The following GALNT13 variants were observed in gnomAD, a reference collection of about 807,000 sequenced individuals.
GALNT13 encodes the protein polypeptide N-acetylgalactosaminyltransferase 13.
In GALNT13, 28 loss-of-function variants were observed where a neutral mutation model predicts 64.2. That is an observed-to-expected ratio of 0.44 (90% CI 0.32 to 0.60). The LOEUF is 0.60. Among genes scored for constraint, GALNT13 ranks in the 20% least tolerant of loss-of-function variants. The probability of loss-of-function intolerance (pLI) is 0.05; values close to 1 mark genes in which losing one functional copy is unlikely to be tolerated. For missense variants in GALNT13, 577 were observed against 669.8 expected (o/e 0.86, Z 1.53); for synonymous variants, 214 against 224.6 (o/e 0.95, Z 0.42).
chr2:153,659,881 C>T, the GALNT13 span, among the ~76,000 whole-genome samples: 1 of 152,072 alleles, frequency 6.6e-6, no homozygotes, highest in Non-Finnish European at 1.5e-5. Context: ...AGCCAACAAC[C>T]AGCCCAGGAG....
intron 3 of GALNT13, among the ~76,000 whole-genome samples, chr2:154,055,809 A>G (rs1416956314): frequency 6.6e-6 from 1 of 152,140 alleles, no homozygotes; most frequent in Non-Finnish European, 1.5e-5. Flanking sequence ...TGCATTTTTA[A>G]GTATGGCTTT....
In GALNT13 at chr2:153,897,504, A is replaced by G. The variant is rs118122093; in HGVS notation, c.-176-3432A>G. On this transcript the variant is annotated intron_variant, in intron 1 of 12. Transcript: ENST00000392825. Reference sequence around the variant, plus strand: ...TTATTGATGATGTTGTCTTTGATCAATTTGTTAAGGTGGTCTCTGCCAAGT... The same window carrying G: ...TTATTGATGATGTTGTCTTTGATCAGTTTGTTAAGGTGGTCTCTGCCAAGT... Among the ~76,000 whole-genome samples the G allele has an allele frequency of 1.1e-4, 17 of 152,212 alleles. 2 individuals are homozygous for G. The East Asian group carries it at 2.9e-3, about 26-fold the overall frequency.
chr2:153,789,671 AATAG>A, the GALNT13 span, among the ~76,000 whole-genome samples: 37 of 152,180 alleles, frequency 2.4e-4, no homozygotes, highest in Non-Finnish European at 3.5e-4. Context: ...TGAAAAATAT[AATAG>A]ATAGGCCACT....
the GALNT13 span, among the ~76,000 whole-genome samples, chr2:153,760,810 T>C: frequency 2.0e-5 from 3 of 152,130 alleles, no homozygotes; most frequent in African/African-American, 7.2e-5. Context: ...GATTTGTCCA[T>C]TGTTGAAAGT....
chr2:154,316,027 G>A (rs1694301004), intron 9 of GALNT13, among the ~76,000 whole-genome samples: 1 of 152,158 alleles, frequency 6.6e-6, no homozygotes, highest in African/African-American at 2.4e-5. Flanking sequence ...GGCAGGAGTT[G>A]CAGTGAGCTG....
In GALNT13 at chr2:154,001,646, T is replaced by C. The variant is rs988442948; in HGVS notation, c.142+57007T>C. 3.9e-5 allele frequency among the ~76,000 whole-genome samples: 6 copies of C among 152,158 alleles called. No individual in the cohort carries two copies. In the South Asian group the frequency reaches 1.2e-3, roughly 31 times the overall value. On this transcript the variant is annotated intron_variant, in intron 3 of 12. Coordinates refer to ENST00000392825, the MANE Select transcript of GALNT13 (RefSeq NM_052917.4). ...ATATCTCTTAAACAATTATGGTAGC[T>C]ATTATAATTAATAATTTTTGTTTTA...
the GALNT13 span, among the ~76,000 whole-genome samples, chr2:153,679,892 T>G: frequency 6.6e-6 from 1 of 151,876 alleles, no homozygotes; most frequent in Non-Finnish European, 1.5e-5. Flanking sequence ...CTTCAATGAG[T>G]CTTGCTTAAA....
At chr2:153,655,358 G>A in the GALNT13 span, among the ~76,000 whole-genome samples, 1 of 152,172 alleles carries the variant, frequency 6.6e-6, no homozygotes, top group East Asian at 1.9e-4. Context: ...TTCTACAGGT[G>A]CATTTTCTCT....
chr2:153,942,847 C>A (rs955421927), intron 2 of GALNT13, among the ~76,000 whole-genome samples: 1 of 152,096 alleles, frequency 6.6e-6, no homozygotes. Flanking sequence ...AACAGAATTT[C>A]TGTTGCTTTA....
the GALNT13 span, among the ~76,000 whole-genome samples, chr2:153,738,592 T>C: frequency 6.6e-6 from 1 of 151,968 alleles, no homozygotes; most frequent in African/African-American, 2.4e-5. Context: ...TGGTTTATGC[T>C]TTTCAAAAAT....
At chr2:153,721,417 C>A in the GALNT13 span, among the ~76,000 whole-genome samples, 6 of 144,844 alleles carry the variant, frequency 4.1e-5, no homozygotes, top group East Asian at 4.0e-4. Flanking sequence ...CGAGCAAAAT[C>A]ACCAGCTAAC....
chr2:153,964,081 C>G (rs1014509008), intron 3 of GALNT13, among the ~76,000 whole-genome samples: 7 of 151,466 alleles, frequency 4.6e-5, no homozygotes, highest in Non-Finnish European at 1.0e-4. Context: ...TTTTCCCCCC[C>G]AAAAGAAACC....
the GALNT13 span, among the ~76,000 whole-genome samples, chr2:153,126,873 G>A: frequency 6.6e-6 from 1 of 152,152 alleles, no homozygotes; most frequent in Non-Finnish European, 1.5e-5. Context: ...TTGCAGCTGA[G>A]TTAAAGCTGT....
At chr2:153,401,755 C>CT in the GALNT13 span, among the ~76,000 whole-genome samples, 1 of 148,582 alleles carries the variant, frequency 6.7e-6, no homozygotes, top group Admixed American at 6.7e-5. Flanking sequence ...CAACCCCTGC[C>CT]TTTTTTTGTT....
chr2:153,175,517 G>A, the GALNT13 span, among the ~76,000 whole-genome samples: 2 of 152,148 alleles, frequency 1.3e-5, no homozygotes, highest in Non-Finnish European at 2.9e-5. Flanking sequence ...AGAATGCTGA[G>A]CCTGGTTCTT....
chr2:154,364,466 G>GA (rs1697248051), intron 9 of GALNT13, among the ~76,000 whole-genome samples: 1 of 85,536 alleles, frequency 1.2e-5, no homozygotes. Context: ...AGAAAAGTGT[G>GA]ATCACGGGCA....
chr2:154,026,466 A>C (rs755925696), intron 3 of GALNT13, among the ~76,000 whole-genome samples: 1 of 152,178 alleles, frequency 6.6e-6, no homozygotes, highest in Non-Finnish European at 1.5e-5. Context: ...GCCATCACAG[A>C]ATATCACAGA....
At chr2:153,371,808 T>G in the GALNT13 span, among the ~76,000 whole-genome samples, 15 of 152,290 alleles carry the variant, frequency 9.8e-5, no homozygotes, top group East Asian at 2.7e-3. Flanking sequence ...ATTCTAAAAT[T>G]TATCTTTCCT....
At chr2:154,222,532 G>C (rs186476180) in intron 4 of GALNT13, among the ~76,000 whole-genome samples, 160 of 152,130 alleles carry the variant, frequency 1.1e-3, no homozygotes, top group African/African-American at 3.8e-3. Context: ...TATTCCTTTT[G>C]TTTTTAATCT....
Sources: gnomAD v4.1 joint callset for allele counts (sites outside exome capture counted in the v4.1 genomes callset) on GRCh38, gnomAD v4.1.1 for gene constraint, MANE v1.5 for transcripts, NCBI Gene and HGNC (gene_info 2026-07-23, HGNC 2026-07-21) for gene names.